The following TDRD9 variants were observed in gnomAD, a reference collection of about 807,000 sequenced individuals.
The protein encoded by TDRD9 is ATP-dependent RNA helicase TDRD9.
TDRD9 carries 124 observed loss-of-function variants against 172.6 expected under a neutral mutation model. That is an observed-to-expected ratio of 0.72 (90% CI 0.62 to 0.83). The LOEUF is 0.83. Among genes scored for constraint, TDRD9 ranks in the 40% least tolerant of loss-of-function variants. The pLI, the probability that TDRD9 is intolerant of heterozygous loss-of-function variation, is 0.00. For synonymous variants in TDRD9, 619 were observed against 617.1 expected, an observed-to-expected ratio of 1.00 and a Z score of -0.05; for missense variants, 1,479 against 1,714.1, an observed-to-expected ratio of 0.86 and a Z score of 2.42.
intron 1 of TDRD9, chr14:103,941,512 T>G: frequency 1.3e-6 from 2 of 1,535,368 alleles, no homozygotes; most frequent in Non-Finnish European, 1.7e-6. Context: ...CTGAGCCAGT[T>G]GTAATCCACA....
chr14:103,940,429 G>A (rs542066298), intron 1 of TDRD9: 8 of 161,544 alleles, frequency 5.0e-5, no homozygotes, highest in Non-Finnish European at 8.1e-5. Context: ...GATAGGATTC[G>A]TATTAATAAT....
intron 11 of TDRD9, 138 bp from the exon 12 acceptor site, chr14:103,995,611 GA>G: frequency 1.4e-6 from 1 of 711,840 alleles, no homozygotes; most frequent in Non-Finnish European, 2.2e-6. Flanking sequence ...GTATAAAATA[GA>G]AAAATGGCTA....
chr14:104,025,415 G>A, intron 25 of TDRD9, 149 bp from the exon 26 acceptor site: 1 of 653,734 alleles, frequency 1.5e-6, no homozygotes, highest in South Asian at 2.0e-5. Context: ...ATAAACACCT[G>A]TTAAAAACCT....
chr14:104,014,806 CA>C lies in TDRD9; in HGVS notation c.2190del (p.Glu731SerfsTer34). Reference protein sequence around the residue: ...HVDSRRPVMDQEYIYKQRFIL... With the variant: ...HVDSRRPVMDXEYIYKQRFIL... ...TGATTCTCGGCGACCTGTCATGGAC[CA>C]AGAGTATATATATAAGCAGCGATTC... is the stretch of plus-strand genomic sequence containing the variant. On this transcript the variant is annotated frameshift_variant, in exon 21 of 36. Coordinates refer to ENST00000409874, the MANE Select transcript of TDRD9 (RefSeq NM_153046.3). LOFTEE classifies it high-confidence loss of function. 6.2e-7 allele frequency: 1 copy of C among 1,610,658 alleles called. No homozygotes were observed. Among genetic ancestry groups the C allele is most frequent in the Non-Finnish European group, 8.5e-7 (1 of 1,178,010 alleles).
chr14:103,983,386 T>C (rs189596528), intron 7 of TDRD9, among the ~76,000 whole-genome samples: 3 of 152,106 alleles, frequency 2.0e-5, no homozygotes, highest in African/African-American at 7.2e-5. Flanking sequence ...TTATAAATTA[T>C]TTGGAAACTA....
intron 30 of TDRD9, among the ~76,000 whole-genome samples, chr14:104,032,575 C>T (rs973064014): frequency 6.6e-6 from 1 of 152,170 alleles, no homozygotes; most frequent in Non-Finnish European, 1.5e-5. Context: ...CTCTCACACA[C>T]GTGAAAGCCA....
At chr14:103,994,479 A>G (rs200447994) in intron 10 of TDRD9, 40 bp from the exon 11 acceptor site, 4 of 1,606,762 alleles carry the variant, frequency 2.5e-6, no homozygotes, top group Admixed American at 1.7e-5. Context: ...TCTCATGTAT[A>G]TCTATTCTTT....
At position 103,947,360 on chromosome 14, in the gene TDRD9, C is replaced by G. The variant is rs181934531; in HGVS notation, c.216-8304C>G. ...TTTTTTGTTTTTTTAGATGGAGTCT[C>G]TCTCTGTCGCCCAGGCTGAAGTGCA... On this transcript the variant is annotated intron_variant, in intron 1 of 35. Transcript: ENST00000409874. 1.3e-4 allele frequency among the ~76,000 whole-genome samples: 20 copies of G among 151,320 alleles called. No homozygotes were observed. In the East Asian group the frequency reaches 3.7e-3, roughly 28 times the overall value.
intron 32 of TDRD9, 23 bp downstream of exon 32, chr14:104,035,079 T>C: frequency 1.3e-6 from 2 of 1,537,528 alleles, no homozygotes; most frequent in Non-Finnish European, 1.8e-6. Flanking sequence ...CTCTTGTCTA[T>C]AGGCTTTGTA....
rs763400095 is a variant in TDRD9 at position 104,026,897 on chromosome 14, G to T, written c.3240G>T (p.Gln1080His). The T allele has an allele frequency of 1.9e-6, 3 of 1,613,884 alleles. No homozygotes were observed. The highest frequency in any genetic ancestry group is 1.1e-5 in the South Asian group (1 of 91,092). Residue 1080 changes from glutamine (Q) to histidine (H), a missense_variant, in exon 28 of 36, where the codon CAG (glutamine) becomes CAT (histidine). By Grantham distance (24) the Gln-to-His change is conservative. This residue lies in a region of TDRD9 where 1,413 missense variants were observed against 1,649.1 expected (regional missense o/e 0.86). Coordinates refer to ENST00000409874, the MANE Select transcript of TDRD9 (RefSeq NM_153046.3). ...DAINIRDVLI[Q>H]QGYAELTEES... ...TCAACATAAGAGACGTCCTCATCCA[G>T]CAGGGCTATGCCGAGCTCACGGAGG...
intron 33 of TDRD9, 75 bp downstream of exon 33, chr14:104,040,409 G>A: frequency 1.4e-6 from 2 of 1,386,924 alleles, no homozygotes; most frequent in South Asian, 1.8e-5. Context: ...TGAGTGCAGG[G>A]TCTGCTGTGG....
chr14:104,044,472 T>G (rs1407010436), intron 34 of TDRD9, among the ~76,000 whole-genome samples: 1 of 152,228 alleles, frequency 6.6e-6, no homozygotes, highest in Non-Finnish European at 1.5e-5. Context: ...ACACGCAGTC[T>G]TGTTCCCACC....
At chr14:104,047,589 T>C (rs2035817560) in intron 34 of TDRD9, among the ~76,000 whole-genome samples, 1 of 152,224 alleles carries the variant, frequency 6.6e-6, no homozygotes, top group African/African-American at 2.4e-5. Flanking sequence ...GCCCGCTCTC[T>C]TCTCCCCTAG....
chr14:104,003,406 C>G (rs1043145353), intron 13 of TDRD9, among the ~76,000 whole-genome samples: 37 of 152,100 alleles, frequency 2.4e-4, no homozygotes, highest in African/African-American at 8.9e-4. Flanking sequence ...CATAATCAGT[C>G]AGAAACAAAA....
intron 13 of TDRD9, among the ~76,000 whole-genome samples, chr14:104,001,095 G>C (rs2034245530): frequency 6.6e-6 from 1 of 152,184 alleles, no homozygotes; most frequent in South Asian, 2.1e-4. Context: ...AATTTTACCT[G>C]TACTGTGTGT....
intron 1 of TDRD9, chr14:103,939,679 T>TG: frequency 8.5e-6 from 1 of 117,670 alleles, no homozygotes. Context: ...TTAGGAGGGT[T>TG]TTTTTTTTTT....
In TDRD9 at chr14:104,049,653, G is replaced by A. The variant is rs764643824; in HGVS notation, c.4020G>A (p.Trp1340Ter). 8.8e-6 allele frequency: 14 copies of A among 1,590,384 alleles called. No homozygotes were observed. In the East Asian group the frequency reaches 3.2e-4, roughly 36 times the overall value. ...CAAGGGAGAAGATTGTTCCCAAGTG[G>A]CATGAAAAGCCCTACGAGTGGAATC... ...SKPREKIVPK[W>*]HEKPYEWNQV... Residue 1340 changes from tryptophan (W) to a stop codon, truncating the protein, a stop_gained, in exon 35 of 36, where the codon TGG becomes TGA. Coordinates refer to ENST00000409874, the MANE Select transcript of TDRD9 (RefSeq NM_153046.3). LOFTEE classifies it high-confidence loss of function.
chr14:104,036,028 T>C (rs980323058), intron 32 of TDRD9, among the ~76,000 whole-genome samples: 1 of 152,140 alleles, frequency 6.6e-6, no homozygotes, highest in African/African-American at 2.4e-5. Flanking sequence ...TTAAAATATG[T>C]GCTACTTAGA....
intron 7 of TDRD9, among the ~76,000 whole-genome samples, chr14:103,976,560 C>A (rs959610473): frequency 6.6e-6 from 1 of 152,124 alleles, no homozygotes; most frequent in Non-Finnish European, 1.5e-5. Context: ...CGCGCCTGGC[C>A]TATCCATTCA....
Sources: gnomAD v4.1 joint callset for allele counts (sites outside exome capture counted in the v4.1 genomes callset) on GRCh38, gnomAD v4.1.1 for gene constraint, gnomAD v4.1.1 regional missense constraint, MANE v1.5 for transcripts, NCBI Gene and HGNC (gene_info 2026-07-23, HGNC 2026-07-21) for gene names.